SLC9A9: variants seen among roughly 807,000 people sequenced by gnomAD.
SLC9A9 encodes the protein sodium/hydrogen exchanger 9.
In SLC9A9, 62 loss-of-function variants were observed where a neutral mutation model predicts 77.8. That is an observed-to-expected ratio of 0.80 (90% CI 0.65 to 0.98). SLC9A9 has a LOEUF of 0.98. SLC9A9 is among the 50% of genes least tolerant of loss of function. SLC9A9 has a pLI of 0.00. For synonymous variants in SLC9A9, 320 were observed against 283.5 expected (o/e 1.13, Z -1.29); for missense variants, 775 against 774.9 (o/e 1.00, Z 0.00).
At chr3:143,560,240 G>A (rs946749895) in intron 8 of SLC9A9, among the ~76,000 whole-genome samples, 8 of 152,146 alleles carry the variant, frequency 5.3e-5, no homozygotes, top group African/African-American at 1.7e-4. Flanking sequence ...CCATGATGCC[G>A]GCCCTTGGAC....
chr3:143,268,648 G>A (rs888646071), intron 15 of SLC9A9, among the ~76,000 whole-genome samples: 14 of 147,532 alleles, frequency 9.5e-5, no homozygotes, highest in Non-Finnish European at 1.3e-4. Context: ...CAGGAGAATG[G>A]CATGAACCCG....
At chr3:143,282,469 T>C (rs1262737484) in intron 14 of SLC9A9, among the ~76,000 whole-genome samples, 1 of 152,244 alleles carries the variant, frequency 6.6e-6, no homozygotes, top group African/African-American at 2.4e-5. Context: ...GATTGCTACT[T>C]ACCTACTCAA....
chr3:143,687,976 C>T lies in SLC9A9; in HGVS notation c.649+5216G>A, dbSNP rs3903221. ...AACCATCTTACCAAGTTGGATCCCT[C>T]CCTCCCTCTCTTCCTTCCCTCCTCC... On this transcript the variant is annotated intron_variant, in intron 5 of 15. Transcript: ENST00000316549. Among the ~76,000 whole-genome samples the T allele has an allele frequency of 2.0e-3, 301 of 151,816 alleles. 1 individual carries two copies. The highest frequency in any genetic ancestry group is 6.9e-3 in the African/African-American group (288 of 41,440).
intron 2 of SLC9A9, among the ~76,000 whole-genome samples, chr3:143,818,406 A>G (rs955743104): frequency 2.0e-5 from 3 of 152,074 alleles, no homozygotes. Context: ...TCCCGGCATC[A>G]AATTATTCTC....
intron 9 of SLC9A9, among the ~76,000 whole-genome samples, chr3:143,500,545 T>C (rs2035907574): frequency 6.6e-6 from 1 of 152,154 alleles, no homozygotes; most frequent in Non-Finnish European, 1.5e-5. Context: ...CTGGATGTCA[T>C]GGCTGCTCAT....
At chr3:143,561,616 G>T (rs2037086985) in intron 8 of SLC9A9, among the ~76,000 whole-genome samples, 1 of 152,082 alleles carries the variant, frequency 6.6e-6, no homozygotes, top group Non-Finnish European at 1.5e-5. Context: ...GCATAACACG[G>T]GTGATGCTGG....
chr3:143,816,794 A>G (rs1448680179), intron 2 of SLC9A9, among the ~76,000 whole-genome samples: 1 of 152,218 alleles, frequency 6.6e-6, no homozygotes, highest in African/African-American at 2.4e-5. Flanking sequence ...GTATTTCCCC[A>G]GATTTTAGCC....
chr3:143,846,758 TG>T (rs201410694), intron 1 of SLC9A9, among the ~76,000 whole-genome samples: 3,555 of 151,728 alleles, frequency 0.023, 71 homozygotes, highest in African/African-American at 0.057. Context: ...ATTTGGGTTA[TG>T]TTTTTTTTCT....
chr3:143,781,999 G>T (rs375187796), intron 4 of SLC9A9, among the ~76,000 whole-genome samples: 2 of 152,296 alleles, frequency 1.3e-5, no homozygotes, highest in Admixed American at 1.3e-4. Context: ...CACTGGAAGC[G>T]CTAAAATCCT....
In SLC9A9 at chr3:143,484,146, T is replaced by G. The variant is rs547012377; in HGVS notation, c.1315+9507A>C. On this transcript the variant is annotated intron_variant, in intron 11 of 15. Coordinates refer to ENST00000316549, the MANE Select transcript of SLC9A9 (RefSeq NM_173653.4). ...TTCATGAAGCAGGCCAACTAGATTG[T>G]GTCAGAGGGCTACTAAAGTCATTCT... is the stretch of plus-strand genomic sequence containing the variant. 3.3e-5 allele frequency among the ~76,000 whole-genome samples: 5 copies of G among 152,266 alleles called. No homozygotes were observed. In the South Asian group the frequency reaches 1.0e-3, roughly 32 times the overall value.
At chr3:143,693,132 A>G in intron 5 of SLC9A9, 60 bp downstream of exon 5, 2 of 1,336,314 alleles carry the variant, frequency 1.5e-6, no homozygotes, top group Non-Finnish European at 2.1e-6. Context: ...TCTTGGGGAG[A>G]AACATTCAAT....
chr3:143,613,785 T>G (rs2038059709), intron 6 of SLC9A9, among the ~76,000 whole-genome samples: 1 of 152,100 alleles, frequency 6.6e-6, no homozygotes, highest in Non-Finnish European at 1.5e-5. Flanking sequence ...CATACCACAT[T>G]GCAATAATTA....
intron 4 of SLC9A9, among the ~76,000 whole-genome samples, chr3:143,720,809 G>T (rs1363180153): frequency 2.1e-5 from 3 of 145,788 alleles, no homozygotes; most frequent in African/African-American, 5.6e-5. Context: ...CATTCAAATC[G>T]CTTTTCTGGG....
intron 12 of SLC9A9, among the ~76,000 whole-genome samples, chr3:143,445,786 G>T (rs139934609): frequency 1.1e-4 from 17 of 152,356 alleles, no homozygotes; most frequent in African/African-American, 1.7e-4. Context: ...TAGGTGGAGT[G>T]TGTCTTAGAA....
At chr3:143,707,831 A>G (rs886324526) in intron 4 of SLC9A9, among the ~76,000 whole-genome samples, 1 of 152,148 alleles carries the variant, frequency 6.6e-6, no homozygotes, top group Non-Finnish European at 1.5e-5. Context: ...CTGTCCTTTA[A>G]TCATGGCTGT....
intron 4 of SLC9A9, among the ~76,000 whole-genome samples, chr3:143,767,669 T>C (rs900915310): frequency 6.6e-6 from 1 of 152,170 alleles, no homozygotes; most frequent in Non-Finnish European, 1.5e-5. Flanking sequence ...ATTTCTTTAA[T>C]AGCAAGTGTG....
intron 14 of SLC9A9, among the ~76,000 whole-genome samples, chr3:143,281,027 C>T (rs1382208852): frequency 6.6e-6 from 1 of 152,190 alleles, no homozygotes. Flanking sequence ...ATCCAGCTCT[C>T]TTCTTTCAGG....
intron 11 of SLC9A9, among the ~76,000 whole-genome samples, chr3:143,472,389 G>A (rs1366609685): frequency 6.6e-6 from 1 of 152,152 alleles, no homozygotes; most frequent in Non-Finnish European, 1.5e-5. Context: ...TGAAATAAAT[G>A]GTGAGGCAAA....
At chr3:143,335,499 G>A (rs2352725) in intron 14 of SLC9A9, among the ~76,000 whole-genome samples, 80,602 of 151,916 alleles carry the variant, frequency 0.53, 22,922 homozygotes, top group African/African-American at 0.73. Context: ...TAAAGGTTTC[G>A]TAATTCTTGA....
Sources: gnomAD v4.1 joint callset for allele counts (sites outside exome capture counted in the v4.1 genomes callset) on GRCh38, gnomAD v4.1.1 for gene constraint, MANE v1.5 for transcripts, NCBI Gene and HGNC (gene_info 2026-07-23, HGNC 2026-07-21) for gene names.